The following VAV2 variants were observed in gnomAD, a reference collection of about 807,000 sequenced individuals.
The protein encoded by VAV2 is vav guanine nucleotide exchange factor 2, also known as guanine nucleotide exchange factor VAV2.
A neutral mutation model predicts 132.5 loss-of-function variants in VAV2; 67 were observed. The observed-to-expected ratio is 0.51, with a 90% CI of 0.42 to 0.62. VAV2 has a LOEUF of 0.62. VAV2 is among the 20% of genes least tolerant of loss of function. The pLI, the probability that VAV2 is intolerant of heterozygous loss-of-function variation, is 0.00. For synonymous variants in VAV2, 492 were observed against 443.5 expected (o/e 1.11, Z -1.37); for missense variants, 938 against 1,153.6 (o/e 0.81, Z 2.71).
rs191342197 is a variant in VAV2 at position 133,938,602 on chromosome 9, C to T, written c.321+501G>A. ...GAGAATACCCCCTCTTTGCCCAATA[C>T]CTTCCCAGAGTCAGAGACAGTTCTG... On this transcript the variant is annotated intron_variant, in intron 2 of 29. Coordinates refer to ENST00000371850, the MANE Select transcript of VAV2 (RefSeq NM_001134398.2). Among the ~76,000 whole-genome samples, 270 of 152,224 alleles carry T rather than the reference C, an allele frequency of 1.8e-3. 1 individual carries two copies. Among genetic ancestry groups the T allele is most frequent in the African/African-American group, 6.3e-3 (260 of 41,520 alleles).
intron 2 of VAV2, among the ~76,000 whole-genome samples, chr9:133,932,923 G>A (rs1262266122): frequency 6.6e-6 from 1 of 152,252 alleles, no homozygotes; most frequent in Non-Finnish European, 1.5e-5. Context: ...CTGACTCATG[G>A]TGGGTCCCCT....
At chr9:133,914,310 C>T (rs139352751) in intron 2 of VAV2, among the ~76,000 whole-genome samples, 116 of 152,174 alleles carry the variant, frequency 7.6e-4, no homozygotes, top group African/African-American at 2.7e-3. Context: ...AGAAATGCAC[C>T]GGGACACGAA....
intron 2 of VAV2, among the ~76,000 whole-genome samples, chr9:133,861,890 C>T (rs1018637766): frequency 1.3e-5 from 2 of 152,208 alleles, no homozygotes; most frequent in African/African-American, 2.4e-5. Flanking sequence ...AAGTGACCTG[C>T]CCAAAGTCAC....
Position 133,961,229 on chromosome 9 carries a change from G to A in VAV2, c.205-22010C>T, listed in dbSNP as rs1258411079. On this transcript the variant is annotated intron_variant, in intron 1 of 29. Transcript: ENST00000371850. This position sits in a 1 kb window ranked among gnomAD's most constrained non-coding sequence, Gnocchi z 4.1. ...CAGAATAGTCAACCTTTTGATCTCAGAGGAGTGTCCATTAAGAGTAGGGTT... is the reference window on the plus strand; with the variant it reads ...CAGAATAGTCAACCTTTTGATCTCAAAGGAGTGTCCATTAAGAGTAGGGTT... 6.6e-6 allele frequency among the ~76,000 whole-genome samples: 1 copy of A among 152,240 alleles called. No individual in the cohort carries two copies. Among genetic ancestry groups the A allele is most frequent in the Non-Finnish European group, 1.5e-5 (1 of 68,042 alleles).
At position 133,872,272 on chromosome 9, in the gene VAV2, A is replaced by T. The variant is rs970469317; in HGVS notation, c.322-10840T>A. ...GGGGCCAGCCCCAAAGAAAACTGCA[A>T]GCCCTGGCTTCCTCCCTGCATGCTC... is the stretch of plus-strand genomic sequence containing the variant. On this transcript the variant is annotated intron_variant, in intron 2 of 29. Transcript: ENST00000371850. Among the ~76,000 whole-genome samples, 42 of 152,198 alleles carry T rather than the reference A, an allele frequency of 2.8e-4. 2 individuals are homozygous for T. The highest frequency in any genetic ancestry group is 1.5e-5 in the Non-Finnish European group (1 of 68,034).
chr9:133,855,295 A>G (rs546745972), intron 3 of VAV2, among the ~76,000 whole-genome samples: 1 of 152,250 alleles, frequency 6.6e-6, no homozygotes, highest in African/African-American at 2.4e-5. Flanking sequence ...GAGTCTGCCA[A>G]GGCCCATTCA....
chr9:133,939,308 T>C, intron 1 of VAV2, 89 bp from the exon 2 acceptor site: 1 of 1,156,552 alleles, frequency 8.6e-7, no homozygotes, highest in Non-Finnish European at 1.3e-6. Flanking sequence ...CAGCAAGCTC[T>C]GGCTTCCGTG....
rs1194332682 is a variant in VAV2, at chr9:133,778,782, G to A, written c.1870C>T (p.Pro624Ser). 6 of 1,612,888 alleles carry A rather than the reference G, an allele frequency of 3.7e-6. No homozygotes were observed. The highest frequency in any genetic ancestry group is 1.1e-5 in the South Asian group (1 of 91,070). The change falls in exon 22 of 30, where the codon CCT (proline) becomes TCT (serine). Residue 624 changes from proline to serine, a missense_variant. Pro to Ser is a moderately conservative substitution (Grantham distance 74). Transcript: ENST00000371850. Reference protein sequence around the residue: ...GDVLELLRGDPESPWWEGRLV... With the variant: ...GDVLELLRGDSESPWWEGRLV... ...CCCACCTCCCACCACGGAGACTCAG[G>A]GTCGCCCCTCAGCAGCTCAAGCACG...
chr9:133,917,201 C>T (rs932492150), intron 2 of VAV2, among the ~76,000 whole-genome samples: 1 of 152,178 alleles, frequency 6.6e-6, no homozygotes, highest in South Asian at 2.1e-4. Flanking sequence ...GCCCTATCCC[C>T]GTCCTCCTCT....
rs890668758 is a variant in VAV2 at position 133,840,615 on chromosome 9, G to A, written c.381-6275C>T. Among the ~76,000 whole-genome samples the A allele has an allele frequency of 1.3e-5, 2 of 152,206 alleles. No homozygotes were observed. Among genetic ancestry groups the A allele is most frequent in the Non-Finnish European group, 2.9e-5 (2 of 68,042 alleles). On this transcript the variant is annotated intron_variant, in intron 3 of 29. Coordinates refer to ENST00000371850, the MANE Select transcript of VAV2 (RefSeq NM_001134398.2). The surrounding 1 kb of genome is among the most constrained non-coding windows in gnomAD (Gnocchi z 4.5). ...AAACCCAAACCCCGAAGGAAGAGCA[G>A]AGGAAACACAGCTCCTGCTTCCAAA...
intron 3 of VAV2, among the ~76,000 whole-genome samples, chr9:133,835,001 C>T (rs934702135): frequency 1.3e-5 from 2 of 152,176 alleles, no homozygotes; most frequent in African/African-American, 2.4e-5. Flanking sequence ...CCCCACACTC[C>T]GCCCTCCAGA....
At chr9:133,927,136 G>A (rs1367608639) in intron 2 of VAV2, among the ~76,000 whole-genome samples, 1 of 152,168 alleles carries the variant, frequency 6.6e-6, no homozygotes, top group Non-Finnish European at 1.5e-5. Context: ...GCAGGCTTCT[G>A]GAAAGCACCC....
intron 1 of VAV2, among the ~76,000 whole-genome samples, chr9:133,947,503 T>C (rs2810536): frequency 2.6e-5 from 4 of 151,824 alleles, no homozygotes; most frequent in Non-Finnish European, 4.4e-5. Context: ...AGTTTGAGAC[T>C]ATCCTGACCA....
At chr9:133,900,051 T>A (rs1302350039) in intron 2 of VAV2, among the ~76,000 whole-genome samples, 11 of 144,160 alleles carry the variant, frequency 7.6e-5, no homozygotes, top group East Asian at 2.0e-4. Context: ...TAAATAAAAA[T>A]AGCTGGGCAT....
intron 9 of VAV2, among the ~76,000 whole-genome samples, chr9:133,803,376 G>A (rs1489419251): frequency 2.4e-5 from 3 of 124,888 alleles, no homozygotes; most frequent in Admixed American, 8.5e-5. Flanking sequence ...CTGCCCCCAC[G>A]TCCCCGTATG....
chr9:133,877,270 C>G lies in VAV2; in HGVS notation c.322-15838G>C, dbSNP rs145957681. ...CCCAGCAGGTAACTGGCACACTCCA[C>G]ACTCTGCACAACGATGCCAAGATGC... is the stretch of plus-strand genomic sequence containing the variant. On this transcript the variant is annotated intron_variant, in intron 2 of 29. Transcript: ENST00000371850. 5.4e-3 allele frequency among the ~76,000 whole-genome samples: 815 copies of G among 152,320 alleles called. 8 individuals are homozygous for G. The highest frequency in any genetic ancestry group is 0.019 in the African/African-American group (774 of 41,564).
chr9:133,772,910 AC>A, intron 25 of VAV2, among the ~76,000 whole-genome samples: 1 of 110,994 alleles, frequency 9.0e-6, no homozygotes, highest in African/African-American at 3.1e-5. Context: ...TGTAGGCTGG[AC>A]GGCAGAGCCT....
intron 3 of VAV2, among the ~76,000 whole-genome samples, chr9:133,836,632 C>A (rs1836483198): frequency 6.6e-6 from 1 of 152,164 alleles, no homozygotes; most frequent in Non-Finnish European, 1.5e-5. Context: ...AGAGAAAATA[C>A]CAAACTCCTG....
chr9:133,978,143 A>C (rs1842575784), intron 1 of VAV2, among the ~76,000 whole-genome samples: 1 of 152,186 alleles, frequency 6.6e-6, no homozygotes, highest in South Asian at 2.1e-4. Flanking sequence ...CAGGACAGGC[A>C]GGGCTGGGCA....
Sources: allele counts gnomAD v4.1 joint callset (sites outside exome capture counted in the v4.1 genomes callset), GRCh38; gene constraint gnomAD v4.1.1; non-coding constraint Gnocchi (gnomAD v3.1); transcripts MANE v1.5; gene names NCBI Gene and HGNC (gene_info 2026-07-23, HGNC 2026-07-21).